PHLPP1: variants seen among roughly 807,000 people sequenced by gnomAD.
PHLPP1 encodes PH domain and leucine rich repeat protein phosphatase 1.
In PHLPP1, 42 loss-of-function variants were observed where a neutral mutation model predicts 117.2. The ratio of observed to expected loss-of-function variants is 0.36; its 90% CI spans 0.28 to 0.46. The LOEUF (loss-of-function observed/expected upper bound fraction) is 0.46, where lower values mean the gene tolerates loss of function less well. Ranked by LOEUF, PHLPP1 falls within the 20% of genes least tolerant of loss-of-function variation. The pLI, the probability that PHLPP1 is intolerant of heterozygous loss-of-function variation, is 1.00. For missense variants in PHLPP1, 2,084 were observed against 2,241.9 expected, an observed-to-expected ratio of 0.93 and a Z score of 1.42; for synonymous variants, 1,042 against 970.7, an observed-to-expected ratio of 1.07 and a Z score of -1.37.
intron 1 of PHLPP1, among the ~76,000 whole-genome samples, chr18:62,766,076 A>AAAAAAAAAAAAAAAAATAT: frequency 4.6e-5 from 1 of 21,648 alleles, no homozygotes; most frequent in African/African-American, 1.5e-4. Flanking sequence ...AAAAAAAAAA[A>AAAAAAAAAAAAAAAAATAT]ATATATATAT....
intron 10 of PHLPP1, among the ~76,000 whole-genome samples, chr18:62,930,225 T>G (rs1192809843): frequency 6.6e-6 from 1 of 152,130 alleles, no homozygotes; most frequent in Non-Finnish European, 1.5e-5. Flanking sequence ...ATATATATCC[T>G]ATAGAGAGGG....
intron 3 of PHLPP1, among the ~76,000 whole-genome samples, chr18:62,855,475 C>G (rs1399698256): frequency 2.6e-5 from 4 of 152,198 alleles, no homozygotes; most frequent in Non-Finnish European, 5.9e-5. Flanking sequence ...AGTAGAAGCA[C>G]TTAAATCTCC....
At chr18:62,916,747 C>CT (rs10538704) in intron 9 of PHLPP1, among the ~76,000 whole-genome samples, 722 of 71,014 alleles carry the variant, frequency 0.01, 46 homozygotes, top group African/African-American at 0.015. Context: ...TCCTTCTATT[C>CT]TTTTTTTTTT....
At chr18:62,950,895 G>A (rs1384815417) in intron 12 of PHLPP1, among the ~76,000 whole-genome samples, 2 of 152,106 alleles carry the variant, frequency 1.3e-5, no homozygotes, top group Non-Finnish European at 2.9e-5. Context: ...TCTGCACCCA[G>A]CCTCACCAGG....
intron 1 of PHLPP1, among the ~76,000 whole-genome samples, chr18:62,738,158 C>T (rs1371560458): frequency 6.6e-6 from 1 of 151,684 alleles, no homozygotes; most frequent in East Asian, 1.9e-4. Context: ...AAAATAATAG[C>T]CTAGGTAACA....
rs758472479 is a variant in PHLPP1, at chr18:62,854,541, CAT to C, written c.1900-5891_1900-5890del. ...CTTGTCTTCATTTCTAAGGCTTAAA[CAT>C]ATCCTGAGGAGTACATCTAATTTTC... On this transcript the variant is annotated intron_variant, in intron 3 of 16. Transcript: ENST00000262719. Among the ~76,000 whole-genome samples the C allele has an allele frequency of 5.9e-5, 9 of 152,196 alleles. No homozygotes were observed. The East Asian group carries it at 7.7e-4, about 13-fold the overall frequency.
intron 12 of PHLPP1, among the ~76,000 whole-genome samples, chr18:62,952,312 G>T (rs976400379): frequency 2.0e-5 from 3 of 152,146 alleles, no homozygotes; most frequent in Non-Finnish European, 4.4e-5. Context: ...AGTTTATACA[G>T]GATACATTTT....
intron 4 of PHLPP1, among the ~76,000 whole-genome samples, chr18:62,874,652 C>CGT (rs1568146182): frequency 1.1e-3 from 65 of 60,398 alleles, no homozygotes; most frequent in African/African-American, 3.5e-3. Flanking sequence ...CGCGCACGCA[C>CGT]GCGCGCACAC....
At chr18:62,815,462 G>A (rs961615814) in intron 1 of PHLPP1, among the ~76,000 whole-genome samples, 2 of 152,004 alleles carry the variant, frequency 1.3e-5, no homozygotes, top group African/African-American at 4.8e-5. Flanking sequence ...CGGCCTTGAG[G>A]ATGTTTCTAA....
chr18:62,803,057 A>G (rs942819775), intron 1 of PHLPP1, among the ~76,000 whole-genome samples: 2 of 152,158 alleles, frequency 1.3e-5, no homozygotes, highest in African/African-American at 4.8e-5. Context: ...TTATGTTTTA[A>G]TTTTATGCCT....
intron 1 of PHLPP1, among the ~76,000 whole-genome samples, chr18:62,732,727 C>G (rs754549292): frequency 9.9e-5 from 15 of 152,214 alleles, no homozygotes; most frequent in Non-Finnish European, 1.6e-4. Context: ...TTTCACCATT[C>G]CGGATGCCAT....
At chr18:62,832,769 A>G (rs1022765520) in intron 2 of PHLPP1, among the ~76,000 whole-genome samples, 1 of 151,246 alleles carries the variant, frequency 6.6e-6, no homozygotes, top group Non-Finnish European at 1.5e-5. Context: ...ATCCTGTTCT[A>G]TTGTTAAAGA....
Position 62,716,330 on chromosome 18 carries a change from T to G in PHLPP1, c.647T>G (p.Leu216Arg). The G allele has an allele frequency of 1.3e-6, 2 of 1,529,816 alleles. No individual in the cohort carries two copies. Among genetic ancestry groups the G allele is most frequent in the Non-Finnish European group, 1.7e-6 (2 of 1,144,786 alleles). The allele number at this position is 1,529,816 out of a possible 1,614,324, so 94.8% of individuals were successfully genotyped here. The change falls in exon 1 of 17, where the codon CTG becomes CGG. Residue 216 changes from leucine (L) to arginine (R), a missense_variant. Coordinates refer to ENST00000262719, the MANE Select transcript of PHLPP1 (RefSeq NM_194449.4). The surrounding 1 kb of genome is among the most constrained non-coding windows in gnomAD (Gnocchi z 5.7). The part of the protein sequence containing the change: ...VFDRHMASTY[L>R]RPVLCTLDTT... ...GACCGCCACATGGCCTCGACCTACC[T>G]GCGCCCGGTGCTCTGCACACTGGAC... is the stretch of plus-strand genomic sequence containing the variant.
intron 10 of PHLPP1, among the ~76,000 whole-genome samples, chr18:62,936,395 T>G (rs1217592266): frequency 6.6e-6 from 1 of 152,006 alleles, no homozygotes; most frequent in Non-Finnish European, 1.5e-5. Flanking sequence ...AATAGAAAAA[T>G]CACTTGGCAA....
At chr18:62,784,851 G>A (rs1040262463) in intron 1 of PHLPP1, among the ~76,000 whole-genome samples, 2 of 152,126 alleles carry the variant, frequency 1.3e-5, no homozygotes, top group Non-Finnish European at 1.5e-5. Context: ...AGAAATTGAA[G>A]CATGGTCTGT....
At chr18:62,894,893 C>T in intron 4 of PHLPP1, 118 bp from the exon 5 acceptor site, 3 of 821,002 alleles carry the variant, frequency 3.7e-6, no homozygotes, top group Non-Finnish European at 5.7e-6. Flanking sequence ...CTGGGGCCCC[C>T]ATTTCCTCTT....
chr18:62,743,141 A>G (rs1911579058), intron 1 of PHLPP1, among the ~76,000 whole-genome samples: 1 of 152,152 alleles, frequency 6.6e-6, no homozygotes, highest in Admixed American at 6.5e-5. Flanking sequence ...TTATTTTTAA[A>G]TTAAGGGGCA....
At position 62,979,700 on chromosome 18, in the gene PHLPP1, G is replaced by A; in HGVS notation, c.*269G>A. The A allele has an allele frequency of 2.2e-6, 1 of 454,082 alleles. No homozygotes were observed. The highest frequency in any genetic ancestry group is 3.7e-5 in the South Asian group (1 of 27,320). The allele number at this position is 454,082 out of a possible 1,614,324, so 28.1% of individuals were successfully genotyped here. ...AGATATGTAAAGACAAAGAACAAAA[G>A]GTTTAATATATTACAGAGAAACAGT... is the stretch of plus-strand genomic sequence containing the variant. On this transcript the variant is annotated 3_prime_UTR_variant, in exon 17 of 17. Coordinates refer to ENST00000262719, the MANE Select transcript of PHLPP1 (RefSeq NM_194449.4).
intron 4 of PHLPP1, among the ~76,000 whole-genome samples, chr18:62,867,388 TC>T (rs1185121074): frequency 2.0e-5 from 3 of 152,184 alleles, no homozygotes; most frequent in African/African-American, 4.8e-5. Flanking sequence ...CTTTCCCCTA[TC>T]CTCTCAATAT....
Sources: gnomAD v4.1 joint callset for allele counts (sites outside exome capture counted in the v4.1 genomes callset) on GRCh38, gnomAD v4.1.1 for gene constraint, Gnocchi (gnomAD v3.1) non-coding constraint, MANE v1.5 for transcripts, NCBI Gene and HGNC (gene_info 2026-07-23, HGNC 2026-07-21) for gene names.